AFAP1L1: variants seen among roughly 807,000 people sequenced by gnomAD.
The protein encoded by AFAP1L1 is actin filament-associated protein 1-like 1.
A neutral mutation model predicts 99.8 loss-of-function variants in AFAP1L1; 77 were observed. The ratio of observed to expected loss-of-function variants is 0.77; its 90% confidence interval spans 0.64 to 0.93. The LOEUF is 0.93. Ranked by LOEUF, AFAP1L1 falls within the 40% of genes least tolerant of loss-of-function variation. The pLI, the probability that AFAP1L1 is intolerant of heterozygous loss-of-function variation, is 0.00. For missense variants in AFAP1L1, 893 were observed against 996.8 expected (o/e 0.90, Z 1.40); for synonymous variants, 373 against 395.3 (o/e 0.94, Z 0.67).
chr5:149,333,258 A>G (rs1757309203), intron 17 of AFAP1L1, among the ~76,000 whole-genome samples: 2 of 152,206 alleles, frequency 1.3e-5, no homozygotes, highest in African/African-American at 2.4e-5. Context: ...TGGCAGTCCT[A>G]TGAGGTAGTT....
chr5:149,306,342 A>G lies in AFAP1L1; in HGVS notation c.473A>G (p.Tyr158Cys), dbSNP rs770906538. The G allele has an allele frequency of 1.2e-6, 2 of 1,613,628 alleles. No individual in the cohort carries two copies. Among genetic ancestry groups the G allele is most frequent in the South Asian group, 2.2e-5 (2 of 90,910 alleles). Residue 158 changes from tyrosine (Y) to cysteine (C), a missense_variant, in exon 6 of 19, where the codon TAC becomes TGC. By Grantham distance (194) the Tyr-to-Cys change is radical (BLOSUM62 -2). Transcript: ENST00000296721. ...CSPSHSIVDG[Y>C]YEDADSSYPA... ...CCCTCACACTCGATTGTGGATGGCT[A>G]CTATGAGGACGCAGACAGCAGCTAC...
chr5:149,320,349 A>G lies in AFAP1L1; in HGVS notation c.1626-42A>G. The stretch of plus-strand genomic sequence containing the variant: ...ACGAAAGCACTGTAAGCTGCAAAGC[A>G]TCATTGTCATTGTCATTGTCATCGT... On this transcript the variant is annotated intron_variant, in intron 13 of 18. Transcript: ENST00000296721. This position sits in a 1 kb window ranked among gnomAD's most constrained non-coding sequence, Gnocchi z 4.0. 4 of 1,592,216 alleles carry G rather than the reference A, an allele frequency of 2.5e-6. No individual in the cohort carries two copies. The highest frequency in any genetic ancestry group is 3.4e-6 in the Non-Finnish European group (4 of 1,160,508).
intron 7 of AFAP1L1, among the ~76,000 whole-genome samples, 154 bp downstream of exon 7, chr5:149,307,767 T>C (rs1756467155): frequency 6.8e-6 from 1 of 146,556 alleles, no homozygotes; most frequent in African/African-American, 2.5e-5. Flanking sequence ...ATCAGGACTT[T>C]CCCCACTGGA....
At chr5:149,315,699 CA>C in intron 9 of AFAP1L1, 121 bp from the exon 10 acceptor site, 1 of 801,062 alleles carries the variant, frequency 1.2e-6, no homozygotes, top group East Asian at 2.7e-5. Context: ...TAGTTGCTGA[CA>C]AACATTTGTT....
At chr5:149,325,989 A>C (rs1469868068) in intron 15 of AFAP1L1, among the ~76,000 whole-genome samples, 3 of 152,092 alleles carry the variant, frequency 2.0e-5, no homozygotes, top group Admixed American at 2.0e-4. Flanking sequence ...GAACATTCAA[A>C]CCACAGCACA....
At chr5:149,278,012 C>A (rs1222691658) in intron 1 of AFAP1L1, among the ~76,000 whole-genome samples, 1 of 152,184 alleles carries the variant, frequency 6.6e-6, no homozygotes, top group Admixed American at 6.5e-5. Flanking sequence ...TTTCAAACTC[C>A]CGTTTTCACA....
At chr5:149,287,091 A>C (rs1755705258) in intron 1 of AFAP1L1, among the ~76,000 whole-genome samples, 1 of 152,344 alleles carries the variant, frequency 6.6e-6, no homozygotes, top group East Asian at 1.9e-4. Flanking sequence ...AGTGTTAGGC[A>C]CAGAGAATAT....
At chr5:149,337,151 T>A (rs1040674556) in intron 18 of AFAP1L1, among the ~76,000 whole-genome samples, 1 of 152,052 alleles carries the variant, frequency 6.6e-6, no homozygotes, top group Non-Finnish European at 1.5e-5. Flanking sequence ...GGCTGAGGGC[T>A]GGGGGAACTG....
chr5:149,330,976 A>G (rs564848645), intron 16 of AFAP1L1, among the ~76,000 whole-genome samples: 1 of 152,196 alleles, frequency 6.6e-6, no homozygotes, highest in East Asian at 1.9e-4. Flanking sequence ...ATTTTGCACC[A>G]TGCATTAAAT....
At chr5:149,303,293 GA>G (rs1481098383) in intron 5 of AFAP1L1, among the ~76,000 whole-genome samples, 7 of 152,124 alleles carry the variant, frequency 4.6e-5, no homozygotes, top group Non-Finnish European at 8.8e-5. Context: ...AGTTACCATT[GA>G]AAATCCCTTA....
chr5:149,271,983 G>A lies in AFAP1L1; in HGVS notation c.15G>A (p.Gln5=), dbSNP rs1051937614. 3.2e-6 allele frequency: 4 copies of A among 1,238,374 alleles called. No individual in the cohort carries two copies. In the Admixed American group the frequency reaches 1.3e-4, roughly 39 times the overall value. The allele number at this position is 1,238,374 out of a possible 1,614,324, so 76.7% of individuals were successfully genotyped here. The change falls in exon 1 of 19, where the codon CAG becomes CAA. Residue 5 remains glutamine (Q), a splice_region_variant and synonymous_variant. Coordinates refer to ENST00000296721, the MANE Select transcript of AFAP1L1 (RefSeq NM_152406.4). The part of the protein sequence containing the change: MDRG[Q]VLEQLLPELT... Reference sequence around the variant, plus strand: ...GGGCCGGCGCCATGGACCGAGGCCAGGGTAAGAGGGGCCGCGACGCCCGCA... The same window carrying A: ...GGGCCGGCGCCATGGACCGAGGCCAAGGTAAGAGGGGCCGCGACGCCCGCA...
At position 149,341,724 on chromosome 5, in the gene AFAP1L1, T is replaced by G. The variant is rs1757565969; in HGVS notation, c.*1694T>G. Reference sequence around the variant, plus strand: ...GTGCACTATGATCACGCCTGTGAATTGCCACTGCACTCCAGCCTAAGCAAA... The same window carrying G: ...GTGCACTATGATCACGCCTGTGAATGGCCACTGCACTCCAGCCTAAGCAAA... On this transcript the variant is annotated 3_prime_UTR_variant, in exon 19 of 19. Transcript: ENST00000296721. 1 of 152,090 alleles carries G rather than the reference T, an allele frequency of 6.6e-6. No homozygotes were observed. Among genetic ancestry groups the G allele is most frequent in the Middle Eastern group, 3.4e-3 (1 of 294 alleles). The allele number at this position is 152,090 out of a possible 1,614,324, so 9.4% of individuals were successfully genotyped here.
intron 15 of AFAP1L1, among the ~76,000 whole-genome samples, chr5:149,326,351 C>T (rs1428815853): frequency 6.6e-6 from 1 of 151,974 alleles, no homozygotes. Context: ...CAAGCCTAGC[C>T]AACATGGCAA....
chr5:149,282,094 G>T (rs1425278252), intron 1 of AFAP1L1, among the ~76,000 whole-genome samples: 3 of 152,182 alleles, frequency 2.0e-5, no homozygotes, highest in Non-Finnish European at 2.9e-5. Context: ...GGGAATCCCA[G>T]CCTTGCCCCA....
intron 9 of AFAP1L1, among the ~76,000 whole-genome samples, chr5:149,315,302 T>C (rs1391393110): frequency 6.6e-6 from 1 of 152,156 alleles, no homozygotes; most frequent in African/African-American, 2.4e-5. Context: ...GGTCCCGCCA[T>C]GACTGTTTTG....
intron 1 of AFAP1L1, among the ~76,000 whole-genome samples, chr5:149,276,452 G>C (rs1368939622): frequency 6.6e-6 from 1 of 152,198 alleles, no homozygotes; most frequent in Admixed American, 6.5e-5. Context: ...ATCAGGTAAA[G>C]CCAATGTCTA....
chr5:149,338,963 C>T (rs988885255), intron 18 of AFAP1L1, among the ~76,000 whole-genome samples: 42 of 152,092 alleles, frequency 2.8e-4, no homozygotes, highest in African/African-American at 8.7e-4. Context: ...AAAGAGTGAG[C>T]ATTAGGAGAT....
At chr5:149,321,897 G>A (rs1214013493) in intron 14 of AFAP1L1, among the ~76,000 whole-genome samples, 1 of 152,100 alleles carries the variant, frequency 6.6e-6, no homozygotes, top group Non-Finnish European at 1.5e-5. Context: ...TGGGCATGGT[G>A]ATGCACATCT....
chr5:149,297,595 T>C (rs1756057188), intron 1 of AFAP1L1, among the ~76,000 whole-genome samples: 1 of 152,082 alleles, frequency 6.6e-6, no homozygotes, highest in Non-Finnish European at 1.5e-5. Flanking sequence ...GTCAACGAGT[T>C]TGGGGTGATG....
Sources: allele counts gnomAD v4.1 joint callset (sites outside exome capture counted in the v4.1 genomes callset), GRCh38; gene constraint gnomAD v4.1.1; non-coding constraint Gnocchi (gnomAD v3.1); transcripts MANE v1.5; gene names NCBI Gene and HGNC (gene_info 2026-07-23, HGNC 2026-07-21).